The following NPAS3 variants were observed in gnomAD, a reference collection of about 807,000 sequenced individuals.
NPAS3 encodes neuronal PAS domain protein 3.
A neutral mutation model predicts 73.1 loss-of-function variants in NPAS3; 14 were observed. The ratio of observed to expected loss-of-function variants is 0.19; its 90% CI spans 0.13 to 0.30. NPAS3 has a LOEUF of 0.30. Among genes scored for constraint, NPAS3 ranks in the 10% least tolerant of loss-of-function variants. The pLI, the probability that NPAS3 is intolerant of heterozygous loss-of-function variation, is 1.00. For synonymous variants in NPAS3, 620 were observed against 541.5 expected (o/e 1.14, Z -2.01); for missense variants, 1,096 against 1,250.0 (o/e 0.88, Z 1.86).
intron 1 of NPAS3, among the ~76,000 whole-genome samples, chr14:33,001,185 C>T (rs147863090): frequency 1.8e-4 from 27 of 152,212 alleles, no homozygotes; most frequent in African/African-American, 6.5e-4. Context: ...TAGGAGTCTT[C>T]CTGTAGGTTC....
intron 6 of NPAS3, among the ~76,000 whole-genome samples, chr14:33,705,592 G>T (rs1162972175): frequency 2.0e-5 from 3 of 152,168 alleles, no homozygotes; most frequent in Non-Finnish European, 4.4e-5. Context: ...AATAATACAG[G>T]GCGTGGAGAA....
At chr14:33,172,820 A>G (rs1260761350) in intron 2 of NPAS3, among the ~76,000 whole-genome samples, 1 of 152,182 alleles carries the variant, frequency 6.6e-6, no homozygotes, top group African/African-American at 2.4e-5. Flanking sequence ...TGTCTACTTA[A>G]TAAACTTATA....
intron 2 of NPAS3, among the ~76,000 whole-genome samples, chr14:33,121,865 T>A (rs974786606): frequency 6.6e-6 from 1 of 152,154 alleles, no homozygotes; most frequent in Non-Finnish European, 1.5e-5. Context: ...TGATTATACC[T>A]CACGTGGAAA....
rs73267049 is a variant in NPAS3, at chr14:33,522,225, G to A, written c.469-37896G>A. ...GTTTCTTCAGAAATTCACGTGACAC[G>A]TGATATCATTTCAGGGGATGAAATA... On this transcript the variant is annotated intron_variant, in intron 4 of 11. Coordinates refer to ENST00000356141, the Ensembl canonical transcript of NPAS3. Among the ~76,000 whole-genome samples, 440 of 152,256 alleles carry A rather than the reference G, an allele frequency of 2.9e-3. 2 individuals carry two copies. Among genetic ancestry groups the A allele is most frequent in the African/African-American group, 8.4e-3 (351 of 41,564 alleles).
At chr14:33,529,650 T>C (rs971622932) in intron 4 of NPAS3, among the ~76,000 whole-genome samples, 1 of 152,014 alleles carries the variant, frequency 6.6e-6, no homozygotes, top group Non-Finnish European at 1.5e-5. Flanking sequence ...TGTATGTTTT[T>C]TTTCTTAAGC....
chr14:33,083,410 G>T (rs1353368735), intron 2 of NPAS3, among the ~76,000 whole-genome samples: 1 of 151,948 alleles, frequency 6.6e-6, no homozygotes, highest in Non-Finnish European at 1.5e-5. Flanking sequence ...AAAAGGAGAG[G>T]GTTGTATTCC....
intron 7 of NPAS3, among the ~76,000 whole-genome samples, chr14:33,754,101 G>A (rs544778919): frequency 1.6e-4 from 24 of 152,296 alleles, no homozygotes; most frequent in African/African-American, 5.3e-4. Context: ...GGTGCCCCGC[G>A]ACCCCACTGG....
intron 2 of NPAS3, among the ~76,000 whole-genome samples, chr14:33,177,443 A>T: frequency 6.6e-6 from 1 of 151,220 alleles, no homozygotes; most frequent in Non-Finnish European, 1.5e-5. Context: ...ATTTGCAAAT[A>T]TTTTCTCCCA....
At chr14:33,002,279 C>T (rs924473477) in intron 1 of NPAS3, among the ~76,000 whole-genome samples, 2 of 152,166 alleles carry the variant, frequency 1.3e-5, no homozygotes, top group African/African-American at 4.8e-5. Context: ...TGTAACTAGG[C>T]ACACAATGAT....
Position 33,800,036 on chromosome 14 carries a change from T to A in NPAS3, c.1729T>A (p.Ser577Thr). 1 of 1,609,416 alleles carries A rather than the reference T, an allele frequency of 6.2e-7. No homozygotes were observed. The highest frequency in any genetic ancestry group is 1.1e-5 in the South Asian group (1 of 90,904). ...GCTGCAGAACTGCGAGTCACTCACG[T>A]CCGACAGCGCCAAGGACTCGGACAG... Residue 577 changes from serine to threonine, a missense_variant, in exon 12 of 12, where the codon TCC (serine) becomes ACC (threonine). Transcript: ENST00000356141. This position sits in a 1 kb window ranked among gnomAD's most constrained non-coding sequence, Gnocchi z 6.5.
intron 6 of NPAS3, among the ~76,000 whole-genome samples, chr14:33,733,195 A>G (rs2061441360): frequency 1.3e-5 from 2 of 152,176 alleles, no homozygotes; most frequent in African/African-American, 4.8e-5. Flanking sequence ...TCTGAGGACC[A>G]GTGCCAATAA....
chr14:33,024,708 A>C (rs11847396), intron 1 of NPAS3, among the ~76,000 whole-genome samples: 12,979 of 152,248 alleles, frequency 0.085, 856 homozygotes, highest in African/African-American at 0.19. Flanking sequence ...CACACACCTA[A>C]GACTATAGAA....
At chr14:33,373,384 A>ATATG (rs1267825329) in intron 4 of NPAS3, among the ~76,000 whole-genome samples, 1 of 108,990 alleles carries the variant, frequency 9.2e-6, no homozygotes, top group South Asian at 3.7e-4. Context: ...ATATTGAACT[A>ATATG]TATGTGTGTG....
chr14:33,197,484 A>G (rs2046410815), intron 2 of NPAS3, among the ~76,000 whole-genome samples: 1 of 152,062 alleles, frequency 6.6e-6, no homozygotes, highest in African/African-American at 2.4e-5. Flanking sequence ...TCCATCCCAG[A>G]GGGAAGCGTA....
intron 3 of NPAS3, among the ~76,000 whole-genome samples, chr14:33,278,558 A>G (rs568401922): frequency 5.3e-5 from 8 of 152,228 alleles, no homozygotes; most frequent in African/African-American, 1.9e-4. Flanking sequence ...AATGATATGA[A>G]AGATACAACA....
intron 7 of NPAS3, among the ~76,000 whole-genome samples, chr14:33,766,518 C>A (rs748198987): frequency 6.6e-6 from 1 of 152,178 alleles, no homozygotes; most frequent in Non-Finnish European, 1.5e-5. Flanking sequence ...GGGATTCTCT[C>A]CCTGGAACCC....
chr14:32,947,003 A>G (rs1595066441), intron 1 of NPAS3, among the ~76,000 whole-genome samples: 1 of 152,310 alleles, frequency 6.6e-6, no homozygotes, highest in Non-Finnish European at 1.5e-5. Flanking sequence ...TTAAACTTAC[A>G]AATCTTAATT....
intron 2 of NPAS3, among the ~76,000 whole-genome samples, chr14:33,139,833 A>G (rs759963351): frequency 1.8e-4 from 27 of 152,208 alleles, no homozygotes; most frequent in Non-Finnish European, 3.4e-4. Flanking sequence ...CCATTATCAC[A>G]GAAAGTTCTA....
intron 2 of NPAS3, among the ~76,000 whole-genome samples, chr14:33,092,406 T>C (rs1415905239): frequency 2.6e-5 from 4 of 152,136 alleles, no homozygotes; most frequent in African/African-American, 9.7e-5. Flanking sequence ...GAATCCAACT[T>C]ACAAGGGATG....
Sources: gnomAD v4.1 joint callset for allele counts (sites outside exome capture counted in the v4.1 genomes callset) on GRCh38, gnomAD v4.1.1 for gene constraint, Gnocchi (gnomAD v3.1) non-coding constraint, MANE v1.5 for transcripts, NCBI Gene and HGNC (gene_info 2026-07-23, HGNC 2026-07-21) for gene names.